Variants in DCBLD2 observed in about 807,000 individuals in gnomAD.
DCBLD2 encodes the protein discoidin, CUB and LCCL domain containing 2, also known as discoidin, CUB and LCCL domain-containing protein 2.
In DCBLD2, 54 loss-of-function variants were observed where a neutral mutation model predicts 86.8. The ratio of observed to expected loss-of-function variants is 0.62; its 90% CI spans 0.50 to 0.78. The LOEUF (loss-of-function observed/expected upper bound fraction) is 0.78, where lower values mean the gene tolerates loss of function less well. Ranked by LOEUF, DCBLD2 falls within the 30% of genes least tolerant of loss-of-function variation. The pLI, the probability that DCBLD2 is intolerant of heterozygous loss-of-function variation, is 0.00. For missense variants in DCBLD2, 908 were observed against 954.2 expected (o/e 0.95, Z 0.64); for synonymous variants, 354 against 341.3 (o/e 1.04, Z -0.41).
intron 1 of DCBLD2, among the ~76,000 whole-genome samples, chr3:98,884,906 T>C (rs775413343): frequency 6.6e-6 from 1 of 152,152 alleles, no homozygotes; most frequent in African/African-American, 2.4e-5. Context: ...CATTTAAAAA[T>C]GATTTTTACA....
At chr3:98,853,962 T>G (rs1374555158) in intron 2 of DCBLD2, among the ~76,000 whole-genome samples, 1 of 150,798 alleles carries the variant, frequency 6.6e-6, no homozygotes, top group Non-Finnish European at 1.5e-5. Flanking sequence ...CAGTCCTAAT[T>G]TACAAACTTA....
chr3:98,796,742 TAA>T lies in DCBLD2; in HGVS notation c.*2628_*2629del, dbSNP rs979299579. The stretch of plus-strand genomic sequence containing the variant: ...TAGATTTACAGCATTTAATAAAGTA[TAA>T]GTCAGAATTCACAATATCTTAAACT... On this transcript the variant is annotated 3_prime_UTR_variant, in exon 16 of 16. Coordinates refer to ENST00000326840, the MANE Select transcript of DCBLD2 (RefSeq NM_080927.4). 6.6e-6 allele frequency: 1 copy of T among 152,666 alleles called. No individual in the cohort carries two copies. Among genetic ancestry groups the T allele is most frequent in the African/African-American group, 2.4e-5 (1 of 41,458 alleles). The allele number at this position is 152,666 out of a possible 1,614,324, so 9.5% of individuals were successfully genotyped here.
At chr3:98,885,413 CAT>C (rs201622935) in intron 1 of DCBLD2, among the ~76,000 whole-genome samples, 1,679 of 122,942 alleles carry the variant, frequency 0.014, 29 homozygotes, top group African/African-American at 0.047. Context: ...TAGACATATA[CAT>C]ATTTTTTTTG....
At chr3:98,852,454 C>G (rs1277337637) in intron 2 of DCBLD2, among the ~76,000 whole-genome samples, 1 of 152,112 alleles carries the variant, frequency 6.6e-6, no homozygotes, top group Non-Finnish European at 1.5e-5. Flanking sequence ...ACCGTATTTG[C>G]CAGGCTGGTC....
chr3:98,829,382 C>T (rs1318625955), intron 3 of DCBLD2, among the ~76,000 whole-genome samples: 1 of 152,124 alleles, frequency 6.6e-6, no homozygotes, highest in Admixed American at 6.6e-5. Flanking sequence ...CTTTTGTCAT[C>T]TAGGTACTAA....
chr3:98,809,369 G>A (rs1274850332), intron 12 of DCBLD2, among the ~76,000 whole-genome samples: 2 of 152,100 alleles, frequency 1.3e-5, no homozygotes, highest in Admixed American at 6.6e-5. Context: ...GTATCCAAAA[G>A]AGAGAAAGAG....
At chr3:98,852,850 T>G (rs562488422) in intron 2 of DCBLD2, among the ~76,000 whole-genome samples, 4 of 150,018 alleles carry the variant, frequency 2.7e-5, no homozygotes, top group African/African-American at 7.3e-5. Flanking sequence ...GTTTTACAAC[T>G]GCAATGAACT....
rs1941937008 is a variant in DCBLD2 at position 98,811,435 on chromosome 3, A to C, written c.1450+33T>G. The stretch of plus-strand genomic sequence containing the variant: ...GGAAAGTTGCACCATAAATCCAAGG[A>C]ATATCAAATTCTCACATTAAAAACA... On this transcript the variant is annotated intron_variant, in intron 11 of 15. Transcript: ENST00000326840. The C allele has an allele frequency of 1.9e-6, 3 of 1,612,922 alleles. No individual in the cohort carries two copies. The African/African-American group carries it at 4.0e-5, about 22-fold the overall frequency.
intron 1 of DCBLD2, among the ~76,000 whole-genome samples, chr3:98,890,872 G>C (rs1943648486): frequency 6.6e-6 from 1 of 152,008 alleles, no homozygotes; most frequent in South Asian, 2.1e-4. Context: ...GTCACTAAAT[G>C]GAGAAAGCTC....
chr3:98,843,922 C>T (rs189545230), intron 3 of DCBLD2, among the ~76,000 whole-genome samples: 4 of 152,112 alleles, frequency 2.6e-5, no homozygotes, highest in Admixed American at 1.3e-4. Flanking sequence ...CTGAGCACTA[C>T]AAAATTTCGA....
chr3:98,898,040 C>T (rs1223926749), intron 1 of DCBLD2, among the ~76,000 whole-genome samples: 1 of 151,928 alleles, frequency 6.6e-6, no homozygotes, highest in Non-Finnish European at 1.5e-5. Flanking sequence ...GAAAAAAAGT[C>T]TTCAATAAAA....
intron 2 of DCBLD2, among the ~76,000 whole-genome samples, chr3:98,872,205 T>C (rs920996790): frequency 1.3e-5 from 2 of 152,192 alleles, no homozygotes; most frequent in African/African-American, 2.4e-5. Flanking sequence ...ACTGCCAGCA[T>C]GACAGTATTG....
Position 98,822,715 on chromosome 3 carries a change from A to G in DCBLD2, c.650T>C (p.Leu217Pro). 1 of 1,598,886 alleles carries G rather than the reference A, an allele frequency of 6.3e-7. No homozygotes were observed. Residue 217 changes from leucine (L) to proline (P), a missense_variant, in exon 5 of 16, where the codon CTT becomes CCT. By Grantham distance (98) the Leu-to-Pro change is moderately conservative. Around this residue, in one of 3 missense-constraint regions of DCBLD2, gnomAD observed 8 missense variants for 19.8 expected, o/e 0.40. Coordinates refer to ENST00000326840, the MANE Select transcript of DCBLD2 (RefSeq NM_080927.4). ...TGTTCCAGATATCTCAGCAAAAGGA[A>G]GCAGACAACCAGCTGGGCAGTACTT... ...FSKYCPAGCL[L>P]PFAEISGTIP...
At chr3:98,840,160 G>A (rs1942594802) in intron 3 of DCBLD2, among the ~76,000 whole-genome samples, 1 of 152,076 alleles carries the variant, frequency 6.6e-6, no homozygotes. Flanking sequence ...AGATTGAAGG[G>A]GGAAAACAGC....
In DCBLD2 at chr3:98,857,001, C is replaced by T. The variant is rs113533695; in HGVS notation, c.434-7403G>A. On this transcript the variant is annotated intron_variant, in intron 2 of 15. Coordinates refer to ENST00000326840, the MANE Select transcript of DCBLD2 (RefSeq NM_080927.4). ...GTCTCACTGACTTCAAGAACGAAGC[C>T]GCAGACCCTCGCAGTGAGTGTTACG... Among the ~76,000 whole-genome samples, 948 of 152,234 alleles carry T rather than the reference C, an allele frequency of 6.2e-3. 10 individuals carry two copies. Among genetic ancestry groups the T allele is most frequent in the African/African-American group, 0.021 (877 of 41,502 alleles).
At chr3:98,819,808 T>A (rs1288317496) in intron 7 of DCBLD2, among the ~76,000 whole-genome samples, 1 of 152,192 alleles carries the variant, frequency 6.6e-6, no homozygotes. Flanking sequence ...TTTTCCTACA[T>A]CTTTTATCAT....
intron 2 of DCBLD2, among the ~76,000 whole-genome samples, chr3:98,859,989 G>A (rs1196315112): frequency 3.3e-5 from 5 of 152,170 alleles, no homozygotes; most frequent in South Asian, 2.1e-4. Context: ...AAGATTAGAC[G>A]AATGGCTAAC....
At chr3:98,837,908 G>A (rs1942504679) in intron 3 of DCBLD2, among the ~76,000 whole-genome samples, 4 of 109,802 alleles carry the variant, frequency 3.6e-5, no homozygotes, top group Admixed American at 2.4e-4. Context: ...GCGGCTGGCC[G>A]GGTGGGGGTG....
In DCBLD2 at chr3:98,799,774, T is replaced by C. The variant is rs1247452378; in HGVS notation, c.1926A>G (p.Glu642=). 12 of 1,613,848 alleles carry C rather than the reference T, an allele frequency of 7.4e-6. No individual in the cohort carries two copies. Among genetic ancestry groups the C allele is most frequent in the Non-Finnish European group, 1.0e-5 (12 of 1,179,870 alleles). Reference sequence around the variant, plus strand: ...CTGCATAGCCTGCTTCTTTTCCTTCTTCTGGTTTAAAGGTAGATCTTTGAT... The same window carrying C: ...CTGCATAGCCTGCTTCTTTTCCTTCCTCTGGTTTAAAGGTAGATCTTTGAT... ...TLHQRSTFKP[E]EGKEAGYADL... The change falls in exon 16 of 16, where the codon GAA becomes GAG. Residue 642 remains glutamate, a synonymous_variant. Coordinates refer to ENST00000326840, the MANE Select transcript of DCBLD2 (RefSeq NM_080927.4).
Sources: allele counts gnomAD v4.1 joint callset (sites outside exome capture counted in the v4.1 genomes callset), GRCh38; gene constraint gnomAD v4.1.1; regional missense constraint gnomAD v4.1.1; transcripts MANE v1.5; gene names NCBI Gene and HGNC (gene_info 2026-07-23, HGNC 2026-07-21).